Variants in PCDH7 observed in about 807,000 individuals in gnomAD.
PCDH7 encodes protocadherin-7.
A neutral mutation model predicts 58.9 loss-of-function variants in PCDH7; 17 were observed. The observed-to-expected ratio is 0.29, with a 90% CI of 0.20 to 0.43. PCDH7 has a LOEUF of 0.43. Ranked by LOEUF, PCDH7 falls within the 20% of genes least tolerant of loss-of-function variation. PCDH7 has a pLI of 1.00. For synonymous variants in PCDH7, 664 were observed against 616.4 expected (o/e 1.08, Z -1.14); for missense variants, 1,274 against 1,441.0 (o/e 0.88, Z 1.88).
At chr4:30,765,225 G>A (rs1318571766) in intron 1 of PCDH7, among the ~76,000 whole-genome samples, 6 of 137,324 alleles carry the variant, frequency 4.4e-5, no homozygotes, top group Admixed American at 4.2e-4. Context: ...AAACGACCTC[G>A]AAAGATTAAG....
At chr4:30,939,770 C>T (rs1336074380) in intron 2 of PCDH7, among the ~76,000 whole-genome samples, 2 of 152,044 alleles carry the variant, frequency 1.3e-5, no homozygotes, top group Non-Finnish European at 2.9e-5. Context: ...GCAGGAATCA[C>T]TCTAGAATTA....
chr4:30,999,919 G>A lies in PCDH7; in HGVS notation c.*7+49704G>A, dbSNP rs147067898. Among the ~76,000 whole-genome samples the A allele has an allele frequency of 6.7e-3, 1,021 of 152,186 alleles. 10 individuals carry two copies. Among genetic ancestry groups the A allele is most frequent in the African/African-American group, 0.023 (976 of 41,542 alleles). On this transcript the variant is annotated intron_variant, in intron 3 of 3. Transcript: ENST00000509759. Reference sequence around the variant, plus strand: ...ATTAAATGACAAACGTTTTCTCTTGGATAAGGAATGGCAACATTTGTATAA... The same window carrying A: ...ATTAAATGACAAACGTTTTCTCTTGAATAAGGAATGGCAACATTTGTATAA...
At chr4:31,025,501 G>A (rs187093301) in intron 3 of PCDH7, among the ~76,000 whole-genome samples, 245 of 152,224 alleles carry the variant, frequency 1.6e-3, no homozygotes, top group African/African-American at 5.4e-3. Flanking sequence ...TCAGTCTTGC[G>A]TTGTTCTTTA....
At chr4:30,986,997 A>G (rs1560556580) in intron 3 of PCDH7, among the ~76,000 whole-genome samples, 2 of 152,050 alleles carry the variant, frequency 1.3e-5, no homozygotes, top group Non-Finnish European at 2.9e-5. Flanking sequence ...AATAAGAAAG[A>G]TAGTATCTTT....
chr4:30,929,765 A>G (rs575474470), intron 2 of PCDH7, among the ~76,000 whole-genome samples: 8 of 152,278 alleles, frequency 5.3e-5, no homozygotes, highest in Non-Finnish European at 1.0e-4. Flanking sequence ...GAAGCCCTAT[A>G]TGATCTGAGA....
chr4:30,915,643 C>A (rs1742357441), intron 1 of PCDH7, among the ~76,000 whole-genome samples: 1 of 152,090 alleles, frequency 6.6e-6, no homozygotes, highest in Non-Finnish European at 1.5e-5. Flanking sequence ...CCTGCCTCAA[C>A]CTCCCAAGTA....
intron 1 of PCDH7, among the ~76,000 whole-genome samples, chr4:30,806,973 T>G (rs1726299314): frequency 1.3e-5 from 2 of 152,178 alleles, no homozygotes; most frequent in Non-Finnish European, 2.9e-5. Context: ...ATTTCACTAT[T>G]AGACAGTACA....
intron 1 of PCDH7, among the ~76,000 whole-genome samples, chr4:30,801,694 A>G (rs541518642): frequency 6.6e-6 from 1 of 152,330 alleles, no homozygotes; most frequent in East Asian, 1.9e-4. Context: ...TTCATGAATC[A>G]TGAAGTGGAA....
At chr4:31,097,717 AG>A (rs752136684) in intron 3 of PCDH7, among the ~76,000 whole-genome samples, 6 of 148,192 alleles carry the variant, frequency 4.0e-5, no homozygotes, top group Non-Finnish European at 6.0e-5. Flanking sequence ...CTAATAAGCA[AG>A]TATGGATAAA....
intron 1 of PCDH7, among the ~76,000 whole-genome samples, chr4:30,795,984 C>T (rs1724724639): frequency 6.6e-6 from 1 of 152,152 alleles, no homozygotes; most frequent in African/African-American, 2.4e-5. Context: ...TAGTAGACTT[C>T]AGCAGAGTAA....
At chr4:30,886,597 A>T (rs1239941137) in intron 1 of PCDH7, among the ~76,000 whole-genome samples, 1 of 149,608 alleles carries the variant, frequency 6.7e-6, no homozygotes, top group East Asian at 2.0e-4. Flanking sequence ...TAGAAATACC[A>T]TTTGACCCAG....
intron 1 of PCDH7, among the ~76,000 whole-genome samples, chr4:30,879,622 G>T (rs1736711869): frequency 1.3e-5 from 2 of 152,062 alleles, no homozygotes; most frequent in South Asian, 4.1e-4. Context: ...CTTCCTCACA[G>T]GGACCCTGAC....
chr4:31,144,170 G>GT (rs1181745709), downstream of PCDH7: 1 of 152,136 alleles, frequency 6.6e-6, no homozygotes, highest in African/African-American at 2.4e-5. Context: ...TTTGAATCGT[G>GT]TGCAATATAG....
chr4:30,789,757 G>A (rs144684671), intron 1 of PCDH7, among the ~76,000 whole-genome samples: 27 of 152,212 alleles, frequency 1.8e-4, no homozygotes, highest in Non-Finnish European at 2.5e-4. Context: ...TGATGAAACC[G>A]AGATAAGGAA....
chr4:30,735,392 A>G (rs972811150), downstream of PCDH7, among the ~76,000 whole-genome samples: 1 of 152,170 alleles, frequency 6.6e-6, no homozygotes, highest in African/African-American at 2.4e-5. Flanking sequence ...GCAAGGACGT[A>G]TATGCCGTAT....
chr4:30,758,887 T>C (rs1236064534), intron 1 of PCDH7, among the ~76,000 whole-genome samples: 1 of 152,108 alleles, frequency 6.6e-6, no homozygotes, highest in East Asian at 1.9e-4. Flanking sequence ...AGATAATTTT[T>C]TTGTTGATAT....
Position 30,759,446 on chromosome 4 carries a change from G to A in PCDH7, c.70+34850G>A, listed in dbSNP as rs185719874. Among the ~76,000 whole-genome samples the A allele has an allele frequency of 1.1e-3, 164 of 152,248 alleles. 3 individuals are homozygous for A. The highest frequency in any genetic ancestry group is 5.4e-4 in the Non-Finnish European group (37 of 68,018). On this transcript the variant is annotated intron_variant, in intron 1 of 3. Transcript: ENST00000509759. ...CTTTCAGGAAATTCTGGGAGTAAAGGATCTTTGAAAGACGAAGAAACTCAA... is the reference window on the plus strand; with the variant it reads ...CTTTCAGGAAATTCTGGGAGTAAAGAATCTTTGAAAGACGAAGAAACTCAA...
intron 3 of PCDH7, among the ~76,000 whole-genome samples, chr4:30,958,001 G>T (rs1325492188): frequency 6.6e-6 from 1 of 152,012 alleles, no homozygotes; most frequent in Admixed American, 6.6e-5. Flanking sequence ...TTGTCATTAT[G>T]CTTTAGAGAC....
intron 1 of PCDH7, among the ~76,000 whole-genome samples, chr4:30,755,450 A>T (rs1295160662): frequency 2.0e-5 from 3 of 152,146 alleles, no homozygotes; most frequent in African/African-American, 7.2e-5. Context: ...GACAGAAAAA[A>T]AAGAGAGGCC....
Sources: gnomAD v4.1 joint callset for allele counts (sites outside exome capture counted in the v4.1 genomes callset) on GRCh38, gnomAD v4.1.1 for gene constraint, MANE v1.5 for transcripts, NCBI Gene and HGNC (gene_info 2026-07-23, HGNC 2026-07-21) for gene names.